The following SLC25A12 variants were observed in gnomAD, a reference collection of about 807,000 sequenced individuals.
SLC25A12 encodes electrogenic aspartate/glutamate antiporter SLC25A12, mitochondrial.
Under a neutral mutation model 83.3 loss-of-function variants are expected in SLC25A12, and 32 were observed. That is an observed-to-expected ratio of 0.38 (90% CI 0.29 to 0.52). The LOEUF is 0.52. Ranked by LOEUF, SLC25A12 falls within the 20% of genes least tolerant of loss-of-function variation. The pLI, the probability that SLC25A12 is intolerant of heterozygous loss-of-function variation, is 0.84. For synonymous variants in SLC25A12, 267 were observed against 291.1 expected (o/e 0.92, Z 0.84); for missense variants, 611 against 835.6 (o/e 0.73, Z 3.31).
intron 2 of SLC25A12, chr2:171,871,730 T>C: frequency 1.0e-6 from 1 of 985,252 alleles, no homozygotes; most frequent in Non-Finnish European, 1.2e-6. Flanking sequence ...GATCAGATTA[T>C]GTCTCTCCTT....
chr2:171,808,636 A>T (rs1683884456), intron 13 of SLC25A12, among the ~76,000 whole-genome samples: 1 of 152,232 alleles, frequency 6.6e-6, no homozygotes, highest in African/African-American at 2.4e-5. Context: ...TAGAACTTTT[A>T]AAAAAGTCTG....
At chr2:171,880,884 G>A (rs930724066) in intron 2 of SLC25A12, among the ~76,000 whole-genome samples, 8 of 152,124 alleles carry the variant, frequency 5.3e-5, no homozygotes, top group Admixed American at 1.3e-4. Flanking sequence ...TAAAAAAGGC[G>A]AATTGTATTA....
rs187206458 is a variant in SLC25A12, at chr2:171,845,701, T to G, written c.326-1193A>C. The G allele has an allele frequency of 7.2e-5, 26 of 358,932 alleles. No individual in the cohort carries two copies. The East Asian group carries it at 1.7e-3, about 23-fold the overall frequency. The allele number at this position is 358,932 out of a possible 1,614,324, so 22.2% of individuals were successfully genotyped here. A position where few individuals can be genotyped will look rare whatever the true frequency, so the allele number is the denominator to read the frequency against. On this transcript the variant is annotated intron_variant, in intron 4 of 17. Coordinates refer to ENST00000422440, the MANE Select transcript of SLC25A12 (RefSeq NM_003705.5). ...GCATTACTACTGGGATAGGGGAATGTAAGAATTCTGAACTGGACGTTCTAC... is the reference window on the plus strand; with the variant it reads ...GCATTACTACTGGGATAGGGGAATGGAAGAATTCTGAACTGGACGTTCTAC...
intron 2 of SLC25A12, among the ~76,000 whole-genome samples, chr2:171,872,895 T>C (rs376874149): frequency 1.3e-5 from 2 of 151,788 alleles, no homozygotes; most frequent in African/African-American, 4.8e-5. Flanking sequence ...AAGGCTTAGT[T>C]GGAGAGAGAA....
At chr2:171,873,368 A>G (rs1685496715) in intron 2 of SLC25A12, among the ~76,000 whole-genome samples, 1 of 152,124 alleles carries the variant, frequency 6.6e-6, no homozygotes, top group Non-Finnish European at 1.5e-5. Flanking sequence ...GAATTGCTTG[A>G]ACCTGGGAGG....
At chr2:171,883,136 A>G (rs1685732638) in intron 2 of SLC25A12, among the ~76,000 whole-genome samples, 1 of 152,232 alleles carries the variant, frequency 6.6e-6, no homozygotes. Context: ...GACTAGGTCC[A>G]GCATAGTCAT....
At position 171,888,587 on chromosome 2, in the gene SLC25A12, G is replaced by A. The variant is rs993918751; in HGVS notation, c.66+4618C>T. Among the ~76,000 whole-genome samples, 7 of 151,714 alleles carry A rather than the reference G, an allele frequency of 4.6e-5. No individual in the cohort carries two copies. In the East Asian group the frequency reaches 5.8e-4, roughly 13 times the overall value. ...TTCCCTAGTAGCTGAGATTACAGGC[G>A]TGCGCTACCACATCTGGCTAATTTT... On this transcript the variant is annotated intron_variant, in intron 2 of 17. Coordinates refer to ENST00000422440, the MANE Select transcript of SLC25A12 (RefSeq NM_003705.5).
At chr2:171,821,032 T>A (rs1472909615) in intron 9 of SLC25A12, among the ~76,000 whole-genome samples, 1 of 131,134 alleles carries the variant, frequency 7.6e-6, no homozygotes, top group African/African-American at 2.9e-5. Context: ...TTTTTTTTTT[T>A]TTTTTTTTTT....
intron 2 of SLC25A12, among the ~76,000 whole-genome samples, chr2:171,886,039 C>T (rs564333006): frequency 6.6e-6 from 1 of 152,180 alleles, no homozygotes; most frequent in African/African-American, 2.4e-5. Context: ...TGTAAACATA[C>T]ATGAAATGAC....
chr2:171,826,893 A>G lies in SLC25A12; in HGVS notation c.846-11T>C, dbSNP rs371976418. The G allele has an allele frequency of 2.3e-5, 35 of 1,519,826 alleles. No homozygotes were observed. The highest frequency in any genetic ancestry group is 3.1e-5 in the Non-Finnish European group (34 of 1,094,282). 94.1% of individuals were successfully genotyped at this position (1,519,826 alleles called of 1,614,324 possible). On this transcript the variant is annotated splice_polypyrimidine_tract_variant and intron_variant, in intron 8 of 17. Coordinates refer to ENST00000422440, the MANE Select transcript of SLC25A12 (RefSeq NM_003705.5). ...GCCAAAGTCAAGCGCCTTCAGGAAA[A>G]ATATAGGAAAGAATTGTTAGACACT...
chr2:171,822,887 C>G (rs1355332621), intron 9 of SLC25A12, among the ~76,000 whole-genome samples: 2 of 152,116 alleles, frequency 1.3e-5, no homozygotes, highest in East Asian at 3.8e-4. Context: ...ATTTAGGTTT[C>G]TAATAGATTC....
chr2:171,860,444 C>CT lies in SLC25A12; in HGVS notation c.210-4496_210-4495insA, dbSNP rs535187026. Reference sequence around the variant, plus strand: ...TGAAACCCCATCTCTACTAAAAATACAAAAAAAATTAGCCTGGCATAGTGG... The same window carrying CT: ...TGAAACCCCATCTCTACTAAAAATACTAAAAAAAATTAGCCTGGCATAGTGG... On this transcript the variant is annotated intron_variant, in intron 3 of 17. Transcript: ENST00000422440. Among the ~76,000 whole-genome samples the CT allele has an allele frequency of 2.2e-4, 33 of 151,618 alleles. 1 individual carries two copies. The highest frequency in any genetic ancestry group is 4.0e-4 in the Non-Finnish European group (27 of 67,888).
In SLC25A12 at chr2:171,834,971, A is replaced by C. The variant is rs187215960; in HGVS notation, c.613-106T>G. The C allele has an allele frequency of 2.6e-4, 308 of 1,180,374 alleles. 1 individual carries two copies. Among genetic ancestry groups the C allele is most frequent in the Non-Finnish European group, 1.3e-4 (103 of 818,232 alleles). 73.1% of individuals were successfully genotyped at this position (1,180,374 alleles called of 1,614,324 possible). On this transcript the variant is annotated intron_variant, in intron 6 of 17. Transcript: ENST00000422440. ...GGATCCAAAGGAGTCTTCACTGTTA[A>C]AATGATGTTAACAACCAGTACATAA...
At chr2:171,793,386 G>A (rs985362950) in intron 14 of SLC25A12, among the ~76,000 whole-genome samples, 5 of 152,164 alleles carry the variant, frequency 3.3e-5, no homozygotes, top group Non-Finnish European at 7.4e-5. Flanking sequence ...CCTGAGGCCA[G>A]CAGGTCTGCG....
intron 3 of SLC25A12, among the ~76,000 whole-genome samples, chr2:171,867,152 G>A: frequency 6.6e-6 from 1 of 151,226 alleles, no homozygotes; most frequent in African/African-American, 2.4e-5. Context: ...TTCCAGACTG[G>A]GCAGCCAGGC....
intron 5 of SLC25A12, among the ~76,000 whole-genome samples, chr2:171,839,359 TA>T (rs1684624268): frequency 6.6e-6 from 1 of 152,096 alleles, no homozygotes; most frequent in South Asian, 2.1e-4. Flanking sequence ...TGTGGGCTTA[TA>T]AAAGGTAAAA....
intron 2 of SLC25A12, among the ~76,000 whole-genome samples, chr2:171,869,710 C>T (rs1336276657): frequency 6.6e-6 from 1 of 152,120 alleles, no homozygotes; most frequent in East Asian, 1.9e-4. Context: ...AACCAAAGCC[C>T]TTCTCCTTGA....
In SLC25A12 at chr2:171,883,835, T is replaced by C. The variant is rs184424149; in HGVS notation, c.66+9370A>G. Reference sequence around the variant, plus strand: ...ACTTCCTTGGACGTGTCACAATCTGTAGTAAGCTTTTTTTTGTTTGTTTTG... The same window carrying C: ...ACTTCCTTGGACGTGTCACAATCTGCAGTAAGCTTTTTTTTGTTTGTTTTG... On this transcript the variant is annotated intron_variant, in intron 2 of 17. Coordinates refer to ENST00000422440, the MANE Select transcript of SLC25A12 (RefSeq NM_003705.5). Among the ~76,000 whole-genome samples the C allele has an allele frequency of 1.2e-3, 179 of 152,154 alleles. 1 individual carries two copies. Among genetic ancestry groups the C allele is most frequent in the African/African-American group, 4.1e-3 (170 of 41,522 alleles).
chr2:171,809,259 A>G (rs1240961657), intron 13 of SLC25A12, among the ~76,000 whole-genome samples: 1 of 152,210 alleles, frequency 6.6e-6, no homozygotes, highest in East Asian at 1.9e-4. Flanking sequence ...TTCTAGTTCT[A>G]GATCCTTGAG....
Sources: gnomAD v4.1 joint callset for allele counts (sites outside exome capture counted in the v4.1 genomes callset) on GRCh38, gnomAD v4.1.1 for gene constraint, MANE v1.5 for transcripts, NCBI Gene and HGNC (gene_info 2026-07-23, HGNC 2026-07-21) for gene names.